The following CDH9 variants were observed in gnomAD, a reference collection of about 807,000 sequenced individuals.
CDH9 encodes the protein cadherin-9.
A neutral mutation model predicts 70.9 loss-of-function variants in CDH9; 28 were observed. The ratio of observed to expected loss-of-function variants is 0.40; its 90% confidence interval spans 0.29 to 0.54. The LOEUF is 0.54. CDH9 is among the 20% of genes least tolerant of loss of function. CDH9 has a pLI of 0.59. For synonymous variants in CDH9, 409 were observed against 343.1 expected, an observed-to-expected ratio of 1.19 and a Z score of -2.12; for missense variants, 874 against 984.4, an observed-to-expected ratio of 0.89 and a Z score of 1.50.
chr5:27,020,191 C>T (rs1743113027), intron 1 of CDH9, among the ~76,000 whole-genome samples: 1 of 151,422 alleles, frequency 6.6e-6, no homozygotes, highest in East Asian at 1.9e-4. Flanking sequence ...ACAAATAATG[C>T]CATGTCAATT....
intron 1 of CDH9, among the ~76,000 whole-genome samples, chr5:27,025,942 A>G (rs1300880361): frequency 2.0e-5 from 3 of 152,006 alleles, no homozygotes; most frequent in Non-Finnish European, 2.9e-5. Flanking sequence ...CTAAGTTCCC[A>G]CTTCCTGCCT....
At chr5:27,012,115 T>C (rs1219553150) in intron 1 of CDH9, among the ~76,000 whole-genome samples, 1 of 151,938 alleles carries the variant, frequency 6.6e-6, no homozygotes, top group Non-Finnish European at 1.5e-5. Flanking sequence ...TTGCAGATGT[T>C]CAGTTTCCTT....
chr5:26,916,798 A>G (rs2112006723), intron 2 of CDH9, among the ~76,000 whole-genome samples: 1 of 151,934 alleles, frequency 6.6e-6, no homozygotes, highest in African/African-American at 2.4e-5. Context: ...TTTCTATACG[A>G]CTCTGAGAGA....
chr5:27,024,002 A>G (rs1743182057), intron 1 of CDH9, among the ~76,000 whole-genome samples: 1 of 152,034 alleles, frequency 6.6e-6, no homozygotes, highest in Non-Finnish European at 1.5e-5. Context: ...CAGTGAGCCC[A>G]GATTATGCCA....
intron 1 of CDH9, among the ~76,000 whole-genome samples, chr5:26,997,389 GT>G (rs1742684830): frequency 6.6e-6 from 1 of 152,054 alleles, no homozygotes; most frequent in Non-Finnish European, 1.5e-5. Flanking sequence ...ATCAAAAATT[GT>G]ATATGGTCTT....
chr5:26,973,821 C>A (rs1179387752), intron 2 of CDH9, among the ~76,000 whole-genome samples: 1 of 152,214 alleles, frequency 6.6e-6, no homozygotes, highest in African/African-American at 2.4e-5. Context: ...AGTGAAACAT[C>A]AACAAAACAA....
intron 2 of CDH9, among the ~76,000 whole-genome samples, chr5:26,923,972 T>A (rs1741292210): frequency 6.6e-6 from 1 of 151,750 alleles, no homozygotes. Context: ...AATAACCTAA[T>A]AATACATCAT....
intron 1 of CDH9, among the ~76,000 whole-genome samples, chr5:27,018,754 C>G (rs10472564): frequency 9.2e-5 from 14 of 151,754 alleles, no homozygotes; most frequent in African/African-American, 3.4e-4. Flanking sequence ...AATTAAAATT[C>G]GTGTCAGGGT....
At chr5:27,032,586 C>T (rs2112137084) in intron 1 of CDH9, among the ~76,000 whole-genome samples, 2 of 151,700 alleles carry the variant, frequency 1.3e-5, no homozygotes, top group South Asian at 4.1e-4. Flanking sequence ...CTGCTTAATA[C>T]ATGTGTAAAT....
At chr5:26,996,511 C>T (rs1203917008) in intron 1 of CDH9, among the ~76,000 whole-genome samples, 1 of 151,786 alleles carries the variant, frequency 6.6e-6, no homozygotes, top group Non-Finnish European at 1.5e-5. Context: ...GTCTTGACAG[C>T]TTAGGTAAGC....
intron 2 of CDH9, among the ~76,000 whole-genome samples, chr5:26,970,333 T>A (rs1178895809): frequency 6.6e-6 from 1 of 151,978 alleles, no homozygotes; most frequent in African/African-American, 2.4e-5. Context: ...TTTTTTCAAG[T>A]AGCTATGTAA....
chr5:26,999,843 C>A (rs999439704), intron 1 of CDH9, among the ~76,000 whole-genome samples: 16 of 152,006 alleles, frequency 1.1e-4, no homozygotes, highest in African/African-American at 3.9e-4. Context: ...GAAAACAAAT[C>A]CTATCCTTTG....
chr5:27,018,965 A>C (rs1394527715), intron 1 of CDH9, among the ~76,000 whole-genome samples: 3 of 151,950 alleles, frequency 2.0e-5, no homozygotes, highest in Non-Finnish European at 4.4e-5. Flanking sequence ...CTTTGTCCCA[A>C]AGTAAAATAC....
intron 2 of CDH9, among the ~76,000 whole-genome samples, chr5:26,975,560 G>A (rs1033680951): frequency 1.3e-5 from 2 of 152,148 alleles, no homozygotes; most frequent in South Asian, 4.1e-4. Flanking sequence ...GCCTTAGTGT[G>A]ACACATGCAT....
chr5:26,963,310 T>G (rs1013156425), intron 2 of CDH9, among the ~76,000 whole-genome samples: 1 of 152,166 alleles, frequency 6.6e-6, no homozygotes, highest in African/African-American at 2.4e-5. Flanking sequence ...CTGGCTCTAA[T>G]CCCCTTTGAG....
chr5:26,984,953 C>T (rs1742465010), intron 2 of CDH9, among the ~76,000 whole-genome samples: 3 of 152,228 alleles, frequency 2.0e-5, no homozygotes, highest in South Asian at 4.1e-4. Context: ...AAAAATTCTG[C>T]AGTATTGCCT....
intron 1 of CDH9, among the ~76,000 whole-genome samples, chr5:27,027,955 G>A (rs1442971334): frequency 6.6e-6 from 1 of 152,028 alleles, no homozygotes; most frequent in Non-Finnish European, 1.5e-5. Context: ...CATGAAAGCT[G>A]TAGTCTTTCT....
chr5:26,977,833 A>G (rs1742328754), intron 2 of CDH9, among the ~76,000 whole-genome samples: 1 of 152,142 alleles, frequency 6.6e-6, no homozygotes, highest in African/African-American at 2.4e-5. Context: ...TACTGAGAAG[A>G]GTTTAAAATT....
chr5:26,884,558 G>A (rs376762516), intron 11 of CDH9, among the ~76,000 whole-genome samples: 1 of 152,066 alleles, frequency 6.6e-6, no homozygotes, highest in Non-Finnish European at 1.5e-5. Flanking sequence ...CAGTGTGTTT[G>A]TTCTAAACCA....
Sources: gnomAD v4.1 joint callset for allele counts (sites outside exome capture counted in the v4.1 genomes callset) on GRCh38, gnomAD v4.1.1 for gene constraint, MANE v1.5 for transcripts, NCBI Gene and HGNC (gene_info 2026-07-23, HGNC 2026-07-21) for gene names.